Variants in PRR5L observed in about 807,000 individuals in gnomAD.
The protein encoded by PRR5L is proline rich 5 like, also known as proline-rich protein 5-like.
PRR5L carries 21 observed loss-of-function variants against 36.4 expected under a neutral mutation model. That is an observed-to-expected ratio of 0.58 (90% CI 0.41 to 0.83). PRR5L has a LOEUF of 0.83. PRR5L is among the 40% of genes least tolerant of loss of function. The pLI, the probability that PRR5L is intolerant of heterozygous loss-of-function variation, is 0.00. For synonymous variants in PRR5L, 188 were observed against 197.0 expected (o/e 0.95, Z 0.38); for missense variants, 381 against 473.3 (o/e 0.80, Z 1.81).
chr11:36,387,319 C>T (rs620926), intron 1 of PRR5L, among the ~76,000 whole-genome samples: 121,642 of 152,082 alleles, frequency 0.8, 48,803 homozygotes, highest in East Asian at 0.9. Flanking sequence ...CTAATGTAAA[C>T]GATGAGTTAA....
At chr11:36,443,386 A>G (rs543073645) in intron 6 of PRR5L, among the ~76,000 whole-genome samples, 36 of 152,336 alleles carry the variant, frequency 2.4e-4, no homozygotes, top group South Asian at 2.3e-3. Context: ...GGCCCCACCT[A>G]TAACACTGGA....
At chr11:36,435,123 C>T (rs1195000481) in intron 5 of PRR5L, among the ~76,000 whole-genome samples, 1 of 152,054 alleles carries the variant, frequency 6.6e-6, no homozygotes, top group East Asian at 1.9e-4. Flanking sequence ...GGTAAATTAT[C>T]CAGGTGCTGG....
At chr11:36,400,916 G>C in intron 1 of PRR5L, 81 bp from the exon 2 acceptor site, 5 of 1,173,660 alleles carry the variant, frequency 4.3e-6, no homozygotes, top group Non-Finnish European at 5.6e-6. Flanking sequence ...GGGGTAGTTA[G>C]GCTGGAAAGT....
At chr11:36,334,384 A>G (rs571636793) in intron 1 of PRR5L, among the ~76,000 whole-genome samples, 10 of 152,204 alleles carry the variant, frequency 6.6e-5, no homozygotes, top group African/African-American at 2.4e-4. Flanking sequence ...GTCTCAGAAT[A>G]TAGTCCAAAC....
At chr11:36,382,048 C>T (rs1857377969) in intron 1 of PRR5L, among the ~76,000 whole-genome samples, 1 of 152,144 alleles carries the variant, frequency 6.6e-6, no homozygotes, top group South Asian at 2.1e-4. Flanking sequence ...GTCCCAGCTA[C>T]TCGGGAGGCT....
chr11:36,349,122 T>C (rs2133486476), intron 1 of PRR5L, among the ~76,000 whole-genome samples: 3 of 151,868 alleles, frequency 2.0e-5, no homozygotes, highest in East Asian at 1.9e-4. Flanking sequence ...TGATCTCTAC[T>C]AAAAATACAA....
At chr11:36,390,668 G>T (rs1160280994) in intron 1 of PRR5L, among the ~76,000 whole-genome samples, 1 of 152,046 alleles carries the variant, frequency 6.6e-6, no homozygotes, top group African/African-American at 2.4e-5. Flanking sequence ...TGCCATATGA[G>T]GTATGAAATA....
chr11:36,428,127 C>A (rs1858420246), intron 4 of PRR5L, among the ~76,000 whole-genome samples: 1 of 152,164 alleles, frequency 6.6e-6, no homozygotes, highest in Non-Finnish European at 1.5e-5. Context: ...GAGGCCTCCA[C>A]CAACATGACT....
At chr11:36,358,696 G>T (rs1225903917) in intron 1 of PRR5L, among the ~76,000 whole-genome samples, 1 of 152,300 alleles carries the variant, frequency 6.6e-6, no homozygotes, top group South Asian at 2.1e-4. Context: ...GAATTTGGCA[G>T]TAACTGTCAG....
At chr11:36,409,476 T>C (rs1459694798) in intron 3 of PRR5L, among the ~76,000 whole-genome samples, 1 of 152,208 alleles carries the variant, frequency 6.6e-6, no homozygotes, top group Non-Finnish European at 1.5e-5. Flanking sequence ...CTGACAGGTC[T>C]GAGTTGAAAT....
At chr11:36,398,346 T>C (rs1857712921) in intron 1 of PRR5L, 2 of 152,324 alleles carry the variant, frequency 1.3e-5, no homozygotes, top group Admixed American at 6.5e-5. Context: ...TTGTCAGATA[T>C]AGGTCAGGAC....
At chr11:36,307,904 G>A (rs1856451974) in intron 1 of PRR5L, among the ~76,000 whole-genome samples, 1 of 152,232 alleles carries the variant, frequency 6.6e-6, no homozygotes, top group Non-Finnish European at 1.5e-5. Context: ...TCCTTGGAAT[G>A]ATGAAATTTT....
In PRR5L at chr11:36,464,164, G is replaced by T. The variant is rs1003048823; in HGVS notation, c.*1428G>T. On this transcript the variant is annotated 3_prime_UTR_variant, in exon 9 of 9. Transcript: ENST00000530639. Reference sequence around the variant, plus strand: ...TTGAATCCCTATCCTCCTCTTTGTAGTTGTCGGTCTCACTGATAACAGCTC... The same window carrying T: ...TTGAATCCCTATCCTCCTCTTTGTATTTGTCGGTCTCACTGATAACAGCTC... The T allele has an allele frequency of 3.3e-5, 5 of 152,176 alleles. No homozygotes were observed. Among genetic ancestry groups the T allele is most frequent in the African/African-American group, 4.8e-5 (2 of 41,432 alleles). The allele number at this position is 152,176 out of a possible 1,614,324, so 9.4% of individuals were successfully genotyped here. A position where few individuals can be genotyped will look rare whatever the true frequency, so the allele number is the denominator to read the frequency against.
chr11:36,419,377 C>A, intron 4 of PRR5L, 74 bp downstream of exon 4: 2 of 1,284,660 alleles, frequency 1.6e-6, no homozygotes, highest in Non-Finnish European at 2.3e-6. Flanking sequence ...GTGGCCAATA[C>A]TGTACAGTTG....
intron 1 of PRR5L, among the ~76,000 whole-genome samples, chr11:36,369,164 GC>G (rs1857173504): frequency 6.6e-6 from 1 of 152,294 alleles, no homozygotes; most frequent in East Asian, 1.9e-4. Context: ...ACAACCTTAG[GC>G]CCTGATCTTT....
In PRR5L at chr11:36,393,510, T is replaced by C. The variant is rs113856524; in HGVS notation, c.-125-7487T>C. On this transcript the variant is annotated intron_variant, in intron 1 of 8. Coordinates refer to ENST00000530639, the MANE Select transcript of PRR5L (RefSeq NM_001160167.2). ...CTAAATGTATGGATTTGTTTCTAGGTTCTCTATTCTGCTCCACTAATCTGT... is the reference window on the plus strand; with the variant it reads ...CTAAATGTATGGATTTGTTTCTAGGCTCTCTATTCTGCTCCACTAATCTGT... Among the ~76,000 whole-genome samples the C allele has an allele frequency of 9.1e-3, 1,379 of 152,292 alleles. 23 individuals carry two copies. The highest frequency in any genetic ancestry group is 0.032 in the African/African-American group (1,325 of 41,574).
intron 1 of PRR5L, chr11:36,297,357 T>C (rs1157243800): frequency 2.0e-5 from 3 of 152,258 alleles, no homozygotes; most frequent in Non-Finnish European, 2.9e-5. Context: ...AAATGATTTT[T>C]CTATTGGCAT....
At chr11:36,349,513 C>T (rs1015396784) in intron 1 of PRR5L, among the ~76,000 whole-genome samples, 5 of 152,012 alleles carry the variant, frequency 3.3e-5, no homozygotes, top group Non-Finnish European at 4.4e-5. Flanking sequence ...CCAAGTATCC[C>T]GCTTCCTTCT....
chr11:36,384,201 G>A (rs1043739887), intron 1 of PRR5L, among the ~76,000 whole-genome samples: 8 of 152,066 alleles, frequency 5.3e-5, no homozygotes, highest in Admixed American at 1.3e-4. Context: ...CAGTCTCCAG[G>A]CCCCATATTC....
Sources: allele counts gnomAD v4.1 joint callset (sites outside exome capture counted in the v4.1 genomes callset), GRCh38; gene constraint gnomAD v4.1.1; transcripts MANE v1.5; gene names NCBI Gene and HGNC (gene_info 2026-07-23, HGNC 2026-07-21).